Variants in SLC25A21 observed in about 807,000 individuals in gnomAD.
SLC25A21 encodes solute carrier family 25 member 21.
Under a neutral mutation model 43.8 loss-of-function variants are expected in SLC25A21, and 47 were observed. That is an observed-to-expected ratio of 1.07 (90% CI 0.85 to 1.37). The LOEUF (loss-of-function observed/expected upper bound fraction) is 1.37. Among genes scored for constraint, SLC25A21 ranks in the 40% most tolerant of loss-of-function variants. The pLI, the probability that SLC25A21 is intolerant of heterozygous loss-of-function variation, is 0.00. For missense variants in SLC25A21, 352 were observed against 350.2 expected, an observed-to-expected ratio of 1.00 and a Z score of -0.04; for synonymous variants, 131 against 121.3, an observed-to-expected ratio of 1.08 and a Z score of -0.52.
chr14:37,119,582 GA>G, intron 1 of SLC25A21, among the ~76,000 whole-genome samples: 1 of 151,672 alleles, frequency 6.6e-6, no homozygotes, highest in Non-Finnish European at 1.5e-5. Flanking sequence ...AAAAAGAAAA[GA>G]AAAGAACTAT....
At chr14:36,992,667 A>G (rs1960289781) in intron 1 of SLC25A21, among the ~76,000 whole-genome samples, 1 of 152,170 alleles carries the variant, frequency 6.6e-6, no homozygotes, top group African/African-American at 2.4e-5. Context: ...GTAGTATGAG[A>G]AAATCATAAC....
At chr14:36,985,970 G>A (rs1416325296) in intron 1 of SLC25A21, among the ~76,000 whole-genome samples, 1 of 151,842 alleles carries the variant, frequency 6.6e-6, no homozygotes, top group Non-Finnish European at 1.5e-5. Context: ...CTTTGACTAT[G>A]GCCTTACTAT....
At chr14:37,052,403 C>G (rs910294832) in intron 1 of SLC25A21, among the ~76,000 whole-genome samples, 1 of 152,156 alleles carries the variant, frequency 6.6e-6, no homozygotes, top group Non-Finnish European at 1.5e-5. Context: ...CCCACTGACT[C>G]TTAAGGGAAG....
chr14:36,801,185 C>T (rs940574511), intron 3 of SLC25A21, among the ~76,000 whole-genome samples: 3 of 152,106 alleles, frequency 2.0e-5, no homozygotes, highest in African/African-American at 7.2e-5. Context: ...CCTCAAGGGG[C>T]TACTGAAGTC....
chr14:36,691,297 C>T (rs941597496), intron 7 of SLC25A21, among the ~76,000 whole-genome samples: 1 of 152,090 alleles, frequency 6.6e-6, no homozygotes, highest in African/African-American at 2.4e-5. Flanking sequence ...AATAAAAATC[C>T]CAGAATCACA....
At chr14:36,944,437 G>A (rs140371792) in intron 1 of SLC25A21, among the ~76,000 whole-genome samples, 12 of 152,182 alleles carry the variant, frequency 7.9e-5, no homozygotes, top group African/African-American at 2.4e-4. Flanking sequence ...GAGGCAGCTG[G>A]GCCTTGAGAG....
intron 2 of SLC25A21, among the ~76,000 whole-genome samples, chr14:36,840,443 C>T (rs1270890070): frequency 6.6e-6 from 1 of 152,098 alleles, no homozygotes; most frequent in African/African-American, 2.4e-5. Flanking sequence ...CTTTTATCTA[C>T]CAAAGGTTTC....
intron 1 of SLC25A21, among the ~76,000 whole-genome samples, chr14:36,965,674 A>C (rs982558397): frequency 4.6e-5 from 7 of 152,192 alleles, no homozygotes; most frequent in Admixed American, 1.3e-4. Flanking sequence ...TTTCTTGGAG[A>C]ATACTAGGCC....
chr14:37,115,909 G>C (rs1467625329), intron 1 of SLC25A21, among the ~76,000 whole-genome samples: 2 of 152,082 alleles, frequency 1.3e-5, no homozygotes, highest in Admixed American at 6.6e-5. Context: ...AGTATTTAAA[G>C]ATTAAACGTT....
chr14:36,900,379 G>C (rs1406737597), intron 1 of SLC25A21, among the ~76,000 whole-genome samples: 2 of 152,060 alleles, frequency 1.3e-5, no homozygotes, highest in African/African-American at 4.8e-5. Flanking sequence ...CTATCGAGAA[G>C]GTCAGAGCTT....
intron 1 of SLC25A21, among the ~76,000 whole-genome samples, chr14:37,120,593 C>G (rs145031052): frequency 1.1e-3 from 168 of 152,228 alleles, no homozygotes; most frequent in African/African-American, 4.0e-3. Flanking sequence ...TAAGGAGCAC[C>G]AGATCTGACT....
intron 1 of SLC25A21, among the ~76,000 whole-genome samples, chr14:36,945,428 C>T (rs896700105): frequency 3.3e-5 from 5 of 152,056 alleles, no homozygotes; most frequent in Non-Finnish European, 7.4e-5. Flanking sequence ...TTCACAGCAG[C>T]GCTATTCATG....
At chr14:36,991,425 A>G (rs375286748) in intron 1 of SLC25A21, among the ~76,000 whole-genome samples, 4 of 152,310 alleles carry the variant, frequency 2.6e-5, no homozygotes, top group African/African-American at 9.6e-5. Flanking sequence ...GGAGAAGGGC[A>G]TATGGATGCA....
intron 1 of SLC25A21, among the ~76,000 whole-genome samples, chr14:37,017,395 A>T (rs958876388): frequency 1.3e-5 from 2 of 152,110 alleles, no homozygotes; most frequent in Non-Finnish European, 2.9e-5. Context: ...TTATCAATTA[A>T]GTTCACTGTT....
intron 3 of SLC25A21, among the ~76,000 whole-genome samples, chr14:36,769,622 A>G (rs1411111790): frequency 1.3e-5 from 2 of 152,196 alleles, no homozygotes; most frequent in Non-Finnish European, 2.9e-5. Context: ...TGCGTGGTGC[A>G]TGTTTACATT....
At chr14:36,819,525 CT>C (rs1888559246) in intron 2 of SLC25A21, among the ~76,000 whole-genome samples, 1 of 152,080 alleles carries the variant, frequency 6.6e-6, no homozygotes, top group Admixed American at 6.5e-5. Context: ...TGTTTGAGTA[CT>C]TCTGAAGATA....
intron 1 of SLC25A21, among the ~76,000 whole-genome samples, chr14:36,972,471 A>G (rs937586978): frequency 3.9e-5 from 6 of 152,210 alleles, no homozygotes; most frequent in African/African-American, 1.4e-4. Flanking sequence ...CAAAGAGGGA[A>G]GTAAACATAA....
chr14:36,840,427 A>T (rs1889349927), intron 2 of SLC25A21, among the ~76,000 whole-genome samples: 1 of 152,148 alleles, frequency 6.6e-6, no homozygotes, highest in Non-Finnish European at 1.5e-5. Context: ...TCCTAGTCGG[A>T]ATTATCTTTT....
At chr14:36,687,505 T>G (rs1053673762) in intron 7 of SLC25A21, among the ~76,000 whole-genome samples, 1 of 152,196 alleles carries the variant, frequency 6.6e-6, no homozygotes, top group Non-Finnish European at 1.5e-5. Flanking sequence ...GCAAAGCAGA[T>G]GGTCAGTTGC....
Sources: gnomAD v4.1 joint callset for allele counts (sites outside exome capture counted in the v4.1 genomes callset) on GRCh38, gnomAD v4.1.1 for gene constraint, MANE v1.5 for transcripts, NCBI Gene and HGNC (gene_info 2026-07-23, HGNC 2026-07-21) for gene names.